The following RCAN1 variants were observed in gnomAD, a reference collection of about 807,000 sequenced individuals.
RCAN1 encodes calcipressin-1.
Under a neutral mutation model 22.9 loss-of-function variants are expected in RCAN1, and 11 were observed. The observed-to-expected ratio is 0.48, with a 90% CI of 0.30 to 0.79. RCAN1 has a LOEUF of 0.79. RCAN1 is among the 30% of genes least tolerant of loss of function. RCAN1 has a pLI of 0.06. For synonymous variants in RCAN1, 136 were observed against 142.3 expected (o/e 0.96, Z 0.32); for missense variants, 291 against 337.8 (o/e 0.86, Z 1.09).
At chr21:34,586,519 A>T (rs774293933) in intron 1 of RCAN1, among the ~76,000 whole-genome samples, 3 of 152,226 alleles carry the variant, frequency 2.0e-5, no homozygotes, top group Non-Finnish European at 4.4e-5. Flanking sequence ...ACATATCAAA[A>T]CTTGTAAGAT....
rs1440143335 is a variant in RCAN1 at position 34,565,027 on chromosome 21, C to T, written c.253-41317G>A. ...CCAGCCTGGGCAACAAGTGAGACCC[C>T]ATCTCTACCAAAATTAAACAAACAA... On this transcript the variant is annotated intron_variant, in intron 1 of 3. Transcript: ENST00000313806. Among the ~76,000 whole-genome samples the T allele has an allele frequency of 6.4e-5, 9 of 141,674 alleles. No homozygotes were observed. The East Asian group carries it at 2.0e-3, about 31-fold the overall frequency. 92.9% of individuals were successfully genotyped at this position (141,674 alleles called of 152,430 possible). A position where few individuals can be genotyped will look rare whatever the true frequency, so the allele number is the denominator to read the frequency against.
In RCAN1 at chr21:34,569,446, A is replaced by C. The variant is rs191802765; in HGVS notation, c.252+45314T>G. Among the ~76,000 whole-genome samples, 39 of 152,254 alleles carry C rather than the reference A, an allele frequency of 2.6e-4. 1 individual carries two copies. The highest frequency in any genetic ancestry group is 2.4e-3 in the Admixed American group (36 of 15,294). On this transcript the variant is annotated intron_variant, in intron 1 of 3. Transcript: ENST00000313806. ...ATTTAATACAAATACTAACAAACGC[A>C]CCTTTCTTCCATGGTGATGTTTTAT... is the stretch of plus-strand genomic sequence containing the variant.
intron 1 of RCAN1, among the ~76,000 whole-genome samples, chr21:34,596,687 C>A (rs2123718834): frequency 6.6e-6 from 1 of 152,196 alleles, no homozygotes; most frequent in East Asian, 1.9e-4. Flanking sequence ...CCGGGATGGG[C>A]ATTTCCTGAT....
At chr21:34,585,742 CAA>C (rs59014706) in intron 1 of RCAN1, among the ~76,000 whole-genome samples, 116 of 45,964 alleles carry the variant, frequency 2.5e-3, no homozygotes, top group African/African-American at 7.5e-3. Context: ...GACTCCATCT[CAA>C]AAAAAAAAAA....
chr21:34,607,790 G>T (rs891345065), intron 1 of RCAN1, among the ~76,000 whole-genome samples: 1 of 152,152 alleles, frequency 6.6e-6, no homozygotes, highest in Admixed American at 6.5e-5. Context: ...AGCAGGGATC[G>T]CCAACCTCCG....
rs1984080467 is a variant in RCAN1, at chr21:34,516,923, C to T, written c.*1161G>A. On this transcript the variant is annotated 3_prime_UTR_variant, in exon 4 of 4. Transcript: ENST00000313806. ...GAATGAATGGGGAAAGGCACTGCATCCCTCTCATATCGCCACAGATCTACT... is the reference window on the plus strand; with the variant it reads ...GAATGAATGGGGAAAGGCACTGCATTCCTCTCATATCGCCACAGATCTACT... 1 of 152,658 alleles carries T rather than the reference C, an allele frequency of 6.6e-6. No homozygotes were observed. Among genetic ancestry groups the T allele is most frequent in the Admixed American group, 6.5e-5 (1 of 15,288 alleles). 9.5% of individuals were successfully genotyped at this position (152,658 alleles called of 1,614,324 possible). A position where few individuals can be genotyped will look rare whatever the true frequency, so the allele number is the denominator to read the frequency against.
At chr21:34,570,763 A>G (rs1361507532) in intron 1 of RCAN1, among the ~76,000 whole-genome samples, 3 of 152,306 alleles carry the variant, frequency 2.0e-5, no homozygotes, top group East Asian at 1.9e-4. Flanking sequence ...AATTTTCTCA[A>G]GTGAACTTGC....
rs146477331 is a variant in RCAN1 at position 34,568,086 on chromosome 21, G to A, written c.253-44376C>T. Reference sequence around the variant, plus strand: ...CCACCAGGATGTGAGCCTCCTGCTTGGGACCTCTGCCCCAGCTTTCATAGC... The same window carrying A: ...CCACCAGGATGTGAGCCTCCTGCTTAGGACCTCTGCCCCAGCTTTCATAGC... On this transcript the variant is annotated intron_variant, in intron 1 of 3. Coordinates refer to ENST00000313806, the MANE Select transcript of RCAN1 (RefSeq NM_004414.7). 1.4e-4 allele frequency among the ~76,000 whole-genome samples: 22 copies of A among 152,236 alleles called. 1 individual carries two copies. In the East Asian group the frequency reaches 4.3e-3, roughly 29 times the overall value.
chr21:34,603,809 A>G (rs1278087355), intron 1 of RCAN1, among the ~76,000 whole-genome samples: 1 of 152,264 alleles, frequency 6.6e-6, no homozygotes, highest in Non-Finnish European at 1.5e-5. Context: ...GTAAGTGCTA[A>G]GTAAATAGGA....
chr21:34,561,591 G>T (rs1023327680), intron 1 of RCAN1, among the ~76,000 whole-genome samples: 2 of 152,116 alleles, frequency 1.3e-5, no homozygotes, highest in African/African-American at 4.8e-5. Context: ...TGCTTGGCTG[G>T]TCTGAAATAC....
rs545233791 is a variant in RCAN1 at position 34,608,094 on chromosome 21, G to C, written c.252+6666C>G. ...ATCTAATTGCAGGAAAACAAGCTTA[G>C]GGCTTCTACTAATTCTACATTATGG... On this transcript the variant is annotated intron_variant, in intron 1 of 3. Transcript: ENST00000313806. Among the ~76,000 whole-genome samples the C allele has an allele frequency of 1.7e-4, 26 of 152,250 alleles. No homozygotes were observed. In the South Asian group the frequency reaches 5.4e-3, roughly 32 times the overall value.
chr21:34,613,984 T>G lies in RCAN1; in HGVS notation c.252+776A>C, dbSNP rs1298050002. The G allele has an allele frequency of 5.4e-6, 4 of 740,270 alleles. 1 individual carries two copies. In the East Asian group the frequency reaches 1.3e-4, roughly 24 times the overall value. The allele number at this position is 740,270 out of a possible 1,614,324, so 45.9% of individuals were successfully genotyped here. On this transcript the variant is annotated intron_variant, in intron 1 of 3. Transcript: ENST00000313806. ...TCCACATTTTATTCTGCACAATAAC[T>G]GCAGATTTGAAATAAATTCTTCCTC...
rs1322491081 is a variant in RCAN1, at chr21:34,518,039, C to G, written c.*45G>C. On this transcript the variant is annotated 3_prime_UTR_variant, in exon 4 of 4. Coordinates refer to ENST00000313806, the MANE Select transcript of RCAN1 (RefSeq NM_004414.7). The surrounding 1 kb of genome is among the most constrained non-coding windows in gnomAD (Gnocchi z 4.2). ...CCAGCCACCTCCACAGTAAAAGATT[C>G]CTCCCGTGAGTATGATTTGGAATGC... The G allele has an allele frequency of 2.5e-6, 4 of 1,605,190 alleles. No individual in the cohort carries two copies. In the African/African-American group the frequency reaches 5.3e-5, roughly 21 times the overall value.
In RCAN1 at chr21:34,554,703, C is replaced by T. The variant is rs139109182; in HGVS notation, c.253-30993G>A. ...TTAGATAAATAGATGTATATTAGTC[C>T]GTTTTCATGATGTTGATAAAGACAT... On this transcript the variant is annotated intron_variant, in intron 1 of 3. Coordinates refer to ENST00000313806, the MANE Select transcript of RCAN1 (RefSeq NM_004414.7). Among the ~76,000 whole-genome samples, 1,151 of 152,270 alleles carry T rather than the reference C, an allele frequency of 7.6e-3. 17 individuals carry two copies. The highest frequency in any genetic ancestry group is 0.025 in the African/African-American group (1,054 of 41,550).
intron 1 of RCAN1, among the ~76,000 whole-genome samples, chr21:34,584,082 G>A (rs1026310279): frequency 1.3e-5 from 2 of 152,216 alleles, no homozygotes; most frequent in African/African-American, 4.8e-5. Context: ...TTGGATTCCT[G>A]AAGATAGGAC....
chr21:34,596,274 C>T (rs1222074081), intron 1 of RCAN1, among the ~76,000 whole-genome samples: 1 of 152,206 alleles, frequency 6.6e-6, no homozygotes, highest in East Asian at 1.9e-4. Flanking sequence ...CGGAGGCCTT[C>T]CTGCCCTCCA....
chr21:34,517,883 C>G lies in RCAN1; in HGVS notation c.*201G>C, dbSNP rs1984158824. On this transcript the variant is annotated 3_prime_UTR_variant, in exon 4 of 4. Coordinates refer to ENST00000313806, the MANE Select transcript of RCAN1 (RefSeq NM_004414.7). ...AACTCAGTGATTGGCCCAAGTCATT[C>G]CCGGGTGCCATGAACAGTAACTGGT... 1.6e-6 allele frequency: 1 copy of G among 617,762 alleles called. No individual in the cohort carries two copies. Among genetic ancestry groups the G allele is most frequent in the African/African-American group, 1.8e-5 (1 of 54,194 alleles). 38.3% of individuals were successfully genotyped at this position (617,762 alleles called of 1,614,324 possible). A position where few individuals can be genotyped will look rare whatever the true frequency, so the allele number is the denominator to read the frequency against.
At chr21:34,592,056 C>T (rs1987990548) in intron 1 of RCAN1, among the ~76,000 whole-genome samples, 1 of 152,214 alleles carries the variant, frequency 6.6e-6, no homozygotes, top group African/African-American at 2.4e-5. Flanking sequence ...CCCTCCCTTG[C>T]ACCCTGCCAG....
chr21:34,569,797 C>T (rs1307296343), intron 1 of RCAN1, among the ~76,000 whole-genome samples: 2 of 152,232 alleles, frequency 1.3e-5, no homozygotes, highest in Non-Finnish European at 2.9e-5. Context: ...TTACATTTTA[C>T]AGATGAGGAA....
Sources: allele counts gnomAD v4.1 joint callset (sites outside exome capture counted in the v4.1 genomes callset), GRCh38; gene constraint gnomAD v4.1.1; non-coding constraint Gnocchi (gnomAD v3.1); transcripts MANE v1.5; gene names NCBI Gene and HGNC (gene_info 2026-07-23, HGNC 2026-07-21).